UBE2B: variants seen among roughly 807,000 people sequenced by gnomAD.
The protein encoded by UBE2B is ubiquitin conjugating enzyme E2 B.
UBE2B carries 11 observed loss-of-function variants against 24.6 expected under a neutral mutation model. The ratio of observed to expected loss-of-function variants is 0.45; its 90% CI spans 0.28 to 0.74. The LOEUF (loss-of-function observed/expected upper bound fraction) is 0.74, where lower values mean the gene tolerates loss of function less well. UBE2B is among the 30% of genes least tolerant of loss of function. The pLI is 0.13. For synonymous variants in UBE2B, 68 were observed against 62.4 expected (o/e 1.09, Z -0.42); for missense variants, 78 against 185.6 (o/e 0.42, Z 3.37).
In UBE2B at chr5:134,390,331, A is replaced by T. The variant is rs1478278388; in HGVS notation, c.437A>T (p.Glu146Val). The stretch of plus-strand genomic sequence containing the variant: ...GAGAAAAGAGTTTCGGCCATTGTTG[A>T]ACAAAGCTGGAATGATTCATAATAG... ...EYEKRVSAIV[E>V]QSWNDS is the part of the protein sequence containing the mutation. Residue 146 changes from glutamate to valine, a missense_variant, in exon 6 of 6, where the codon GAA becomes GTA. Coordinates refer to ENST00000265339, the MANE Select transcript of UBE2B (RefSeq NM_003337.4). The surrounding 1 kb of genome is among the most constrained non-coding windows in gnomAD (Gnocchi z 4.6). 1.1e-5 allele frequency: 17 copies of T among 1,614,032 alleles called. No homozygotes were observed. The highest frequency in any genetic ancestry group is 1.4e-5 in the Non-Finnish European group (16 of 1,180,006).
At position 134,374,417 on chromosome 5, in the gene UBE2B, G is replaced by A. The variant is rs1351686714; in HGVS notation, c.79G>A (p.Ala27Thr). Residue 27 changes from alanine to threonine, a missense_variant, in exon 2 of 6, where the codon GCA becomes ACA. This residue lies in a region of UBE2B where 57 missense variants were observed against 167.7 expected (regional missense o/e 0.34). Coordinates refer to ENST00000265339, the MANE Select transcript of UBE2B (RefSeq NM_003337.4). ...GGACCCACCTGTGGGTGTCAGTGGC[G>A]CACCATCTGAAAACAACATCATGCA... Reference protein sequence around the residue: ...QEDPPVGVSGAPSENNIMQWN... With the variant: ...QEDPPVGVSGTPSENNIMQWN... 8.4e-6 allele frequency: 13 copies of A among 1,556,754 alleles called. No individual in the cohort carries two copies. Among genetic ancestry groups the A allele is most frequent in the African/African-American group, 2.7e-5 (2 of 73,432 alleles).
chr5:134,377,451 T>TCCAGATAACAG (rs1758627872), intron 3 of UBE2B, among the ~76,000 whole-genome samples: 1 of 152,254 alleles, frequency 6.6e-6, no homozygotes, highest in Admixed American at 6.5e-5. Context: ...TTCTGGAATA[T>TCCAGATAACAG]GTACCTGTTA....
chr5:134,382,488 A>G (rs1758723844), intron 4 of UBE2B, among the ~76,000 whole-genome samples: 1 of 152,030 alleles, frequency 6.6e-6, no homozygotes, highest in Non-Finnish European at 1.5e-5. Context: ...AGTTGGAGTC[A>G]ATGACCACAC....
In UBE2B at chr5:134,379,979, G is replaced by A. The variant is rs535714640; in HGVS notation, c.152-740G>A. Among the ~76,000 whole-genome samples, 3 of 151,932 alleles carry A rather than the reference G, an allele frequency of 2.0e-5. No individual in the cohort carries two copies. In the East Asian group the frequency reaches 5.8e-4, roughly 29 times the overall value. ...CACCCAGACTAGAGTGCAATGGCGC[G>A]ATCTCTGCTCACAGCAACCTCCGCC... is the stretch of plus-strand genomic sequence containing the variant. On this transcript the variant is annotated intron_variant, in intron 3 of 5. Transcript: ENST00000265339.
At chr5:134,388,734 T>C (rs1758848622) in intron 5 of UBE2B, among the ~76,000 whole-genome samples, 1 of 151,708 alleles carries the variant, frequency 6.6e-6, no homozygotes, top group Non-Finnish European at 1.5e-5. Flanking sequence ...TGTTACCCCA[T>C]CCAAGAAATT....
chr5:134,376,223 G>A (rs931033463), intron 2 of UBE2B, among the ~76,000 whole-genome samples: 2 of 145,656 alleles, frequency 1.4e-5, no homozygotes, highest in African/African-American at 5.1e-5. Flanking sequence ...TCGGGAGGTT[G>A]AGGTAGGAGA....
chr5:134,371,979 C>T (rs911204267), intron 1 of UBE2B, among the ~76,000 whole-genome samples: 5 of 152,260 alleles, frequency 3.3e-5, no homozygotes, highest in African/African-American at 9.6e-5. Flanking sequence ...GCGGCGCCCC[C>T]TTCTTGTCCC....
intron 4 of UBE2B, among the ~76,000 whole-genome samples, chr5:134,385,383 G>A (rs914231390): frequency 1.3e-5 from 2 of 152,194 alleles, no homozygotes; most frequent in African/African-American, 4.8e-5. Context: ...AAAGGGCTTA[G>A]GATAGAGTCT....
At chr5:134,372,659 T>C (rs760819190) in intron 1 of UBE2B, among the ~76,000 whole-genome samples, 8 of 152,196 alleles carry the variant, frequency 5.3e-5, no homozygotes, top group Non-Finnish European at 1.0e-4. Flanking sequence ...GGCCAACTTA[T>C]TTAATTCATT....
intron 1 of UBE2B, among the ~76,000 whole-genome samples, chr5:134,373,150 T>C (rs1758521294): frequency 6.6e-6 from 1 of 152,334 alleles, no homozygotes; most frequent in South Asian, 2.1e-4. Context: ...TTGGTGTTAG[T>C]GCAGAGCCTT....
At chr5:134,388,109 A>G (rs1423041054) in intron 4 of UBE2B, 13 of 563,960 alleles carry the variant, frequency 2.3e-5, no homozygotes, top group Non-Finnish European at 4.1e-5. Flanking sequence ...GCCTCCAGCA[A>G]TTACATTTCA....
intron 1 of UBE2B, among the ~76,000 whole-genome samples, chr5:134,373,755 G>A (rs1758540302): frequency 6.6e-6 from 1 of 152,080 alleles, no homozygotes; most frequent in South Asian, 2.1e-4. Context: ...TGTCCTTGCG[G>A]TAGTTTGCTG....
chr5:134,378,087 C>G (rs1309203000), intron 3 of UBE2B, among the ~76,000 whole-genome samples: 1 of 152,086 alleles, frequency 6.6e-6, no homozygotes, highest in African/African-American at 2.4e-5. Flanking sequence ...GGAGGATTAC[C>G]TGAGCCCAAG....
intron 2 of UBE2B, among the ~76,000 whole-genome samples, chr5:134,375,107 A>G (rs1440280297): frequency 6.6e-6 from 1 of 152,224 alleles, no homozygotes; most frequent in East Asian, 1.9e-4. Context: ...TACTTTATAT[A>G]AAACATATCA....
Position 134,390,408 on chromosome 5 carries a change from A to C in UBE2B, c.*55A>C. On this transcript the variant is annotated 3_prime_UTR_variant, in exon 6 of 6. Transcript: ENST00000265339. This position sits in a 1 kb window ranked among gnomAD's most constrained non-coding sequence, Gnocchi z 4.6. ...CATTGTTGTGTATAATTTACCTCTC[A>C]TTAGAAAGGCTAACAAATTTTAAGT... 6.2e-7 allele frequency: 1 copy of C among 1,608,286 alleles called. No individual in the cohort carries two copies. Among genetic ancestry groups the C allele is most frequent in the Non-Finnish European group, 8.5e-7 (1 of 1,176,270 alleles).
intron 1 of UBE2B, among the ~76,000 whole-genome samples, chr5:134,372,313 A>G (rs569317307): frequency 2.6e-4 from 40 of 152,300 alleles, no homozygotes; most frequent in African/African-American, 8.4e-4. Context: ...GCCCCTATCT[A>G]TAGCCTCCCG....
At chr5:134,374,566 T>A in intron 2 of UBE2B, 103 bp downstream of exon 2, 2 of 1,251,414 alleles carry the variant, frequency 1.6e-6, no homozygotes, top group Non-Finnish European at 2.3e-6. Context: ...GAATGAGAGA[T>A]CTTAAGGACT....
chr5:134,391,938 C>G lies in UBE2B; in HGVS notation c.*1585C>G, dbSNP rs1758903802. 1 of 152,160 alleles carries G rather than the reference C, an allele frequency of 6.6e-6. No homozygotes were observed. Among genetic ancestry groups the G allele is most frequent in the Non-Finnish European group, 1.5e-5 (1 of 68,054 alleles). 9.4% of individuals were successfully genotyped at this position (152,160 alleles called of 1,614,324 possible). ...CTGTGATTATGCCATTGCACTCCAGCCTGGGTGACAGAGCAATACCCTGTC... is the reference window on the plus strand; with the variant it reads ...CTGTGATTATGCCATTGCACTCCAGGCTGGGTGACAGAGCAATACCCTGTC... On this transcript the variant is annotated 3_prime_UTR_variant, in exon 6 of 6. Transcript: ENST00000265339.
chr5:134,388,209 A>G (rs1758837931), intron 4 of UBE2B, 116 bp from the exon 5 acceptor site: 1 of 820,012 alleles, frequency 1.2e-6, no homozygotes, highest in Non-Finnish European at 2.0e-6. Context: ...ATACAGAAGA[A>G]TTTAGTTATT....
Sources: gnomAD v4.1 joint callset for allele counts (sites outside exome capture counted in the v4.1 genomes callset) on GRCh38, gnomAD v4.1.1 for gene constraint, gnomAD v4.1.1 regional missense constraint, Gnocchi (gnomAD v3.1) non-coding constraint, MANE v1.5 for transcripts, NCBI Gene and HGNC (gene_info 2026-07-23, HGNC 2026-07-21) for gene names.